Variants in SYT9 observed in about 807,000 individuals in gnomAD.
SYT9 encodes the protein synaptotagmin-9.
SYT9 carries 22 observed loss-of-function variants against 48.4 expected under a neutral mutation model. The ratio of observed to expected loss-of-function variants is 0.45; its 90% CI spans 0.32 to 0.65. The LOEUF (loss-of-function observed/expected upper bound fraction) is 0.65, where lower values mean the gene tolerates loss of function less well. Among genes scored for constraint, SYT9 ranks in the 30% least tolerant of loss-of-function variants. SYT9 has a pLI of 0.03. For synonymous variants in SYT9, 265 were observed against 245.0 expected, an observed-to-expected ratio of 1.08 and a Z score of -0.76; for missense variants, 577 against 622.0, an observed-to-expected ratio of 0.93 and a Z score of 0.77.
At chr11:7,286,053 G>C (rs1848589483) in intron 1 of SYT9, among the ~76,000 whole-genome samples, 1 of 152,204 alleles carries the variant, frequency 6.6e-6, no homozygotes, top group African/African-American at 2.4e-5. Flanking sequence ...CTATCCTTCT[G>C]GGGTCTGGAG....
At chr11:7,336,827 A>G (rs2133985000) in intron 3 of SYT9, among the ~76,000 whole-genome samples, 1 of 151,970 alleles carries the variant, frequency 6.6e-6, no homozygotes, top group Non-Finnish European at 1.5e-5. Flanking sequence ...TGCCCTGGCT[A>G]TTCGAGCTCT....
chr11:7,329,621 G>A (rs1849493392), intron 3 of SYT9, among the ~76,000 whole-genome samples: 2 of 152,130 alleles, frequency 1.3e-5, no homozygotes, highest in Admixed American at 6.5e-5. Context: ...CAATGTCTCC[G>A]CTTATTTCTT....
At chr11:7,336,683 C>G (rs954343216) in intron 3 of SYT9, among the ~76,000 whole-genome samples, 1 of 152,114 alleles carries the variant, frequency 6.6e-6, no homozygotes, top group African/African-American at 2.4e-5. Context: ...GCTCTCTATT[C>G]TATTCCACAG....
chr11:7,286,178 G>T (rs1038926090), intron 1 of SYT9, among the ~76,000 whole-genome samples: 2 of 152,052 alleles, frequency 1.3e-5, no homozygotes, highest in African/African-American at 2.4e-5. Flanking sequence ...TCTCCATGAG[G>T]GCTCCACCCC....
At chr11:7,385,732 T>C (rs138036139) in intron 3 of SYT9, among the ~76,000 whole-genome samples, 1 of 152,314 alleles carries the variant, frequency 6.6e-6, no homozygotes, top group East Asian at 1.9e-4. Flanking sequence ...GCTCCACTGG[T>C]TTATTTACCC....
chr11:7,273,850 T>C (rs2133890826), intron 1 of SYT9, among the ~76,000 whole-genome samples: 1 of 151,962 alleles, frequency 6.6e-6, no homozygotes, highest in South Asian at 2.1e-4. Flanking sequence ...AGTTGAACAA[T>C]GAGAACACAT....
At chr11:7,309,099 A>AGGTT (rs1849084178) in intron 2 of SYT9, among the ~76,000 whole-genome samples, 1 of 152,232 alleles carries the variant, frequency 6.6e-6, no homozygotes, top group African/African-American at 2.4e-5. Context: ...AGCTTTCCAC[A>AGGTT]GGTTCAACTG....
chr11:7,331,569 C>T (rs904763238), intron 3 of SYT9, among the ~76,000 whole-genome samples: 4 of 151,904 alleles, frequency 2.6e-5, no homozygotes, highest in African/African-American at 9.7e-5. Context: ...TGTAATAGTA[C>T]AAAAATTAGC....
intron 6 of SYT9, among the ~76,000 whole-genome samples, chr11:7,421,923 T>C (rs1025783077): frequency 5.9e-5 from 9 of 152,154 alleles, no homozygotes; most frequent in African/African-American, 1.9e-4. Flanking sequence ...TTAGAGGAGA[T>C]TGTGAAGCAT....
chr11:7,328,818 G>A (rs4757991), intron 3 of SYT9, among the ~76,000 whole-genome samples: 149,246 of 152,260 alleles, frequency 0.98, 73,211 homozygotes, highest in Middle Eastern at 1. Context: ...GTTTGGAAAT[G>A]TTACCATTTC....
At chr11:7,453,221 G>C (rs539508537) in intron 6 of SYT9, among the ~76,000 whole-genome samples, 2 of 152,232 alleles carry the variant, frequency 1.3e-5, no homozygotes, top group South Asian at 4.1e-4. Context: ...TGAGACCTCC[G>C]TCTTTACAAA....
At chr11:7,348,874 C>T (rs1309171128) in intron 3 of SYT9, among the ~76,000 whole-genome samples, 1 of 151,690 alleles carries the variant, frequency 6.6e-6, no homozygotes, top group Non-Finnish European at 1.5e-5. Context: ...CTAGCAGTTA[C>T]AGAAATAGCT....
intron 3 of SYT9, among the ~76,000 whole-genome samples, chr11:7,400,489 T>C (rs4264136): frequency 0.46 from 69,788 of 152,014 alleles, 18,284 homozygotes; most frequent in African/African-American, 0.72. Context: ...GGTGAAATAG[T>C]CAAACAGTTC....
intron 3 of SYT9, among the ~76,000 whole-genome samples, chr11:7,361,730 A>G (rs543009207): frequency 6.6e-6 from 1 of 152,290 alleles, no homozygotes; most frequent in African/African-American, 2.4e-5. Context: ...TTATATTATT[A>G]TGTTGGCTGG....
chr11:7,312,128 G>A (rs1258607176), intron 2 of SYT9, among the ~76,000 whole-genome samples: 1 of 152,160 alleles, frequency 6.6e-6, no homozygotes, highest in Non-Finnish European at 1.5e-5. Flanking sequence ...CTCTGTGACG[G>A]TACTCTTGTC....
In SYT9 at chr11:7,303,289, C is replaced by G. The variant is rs775094665; in HGVS notation, c.396C>G (p.Thr132=). The stretch of plus-strand genomic sequence containing the variant: ...ACTCCTCCATGAAGATCAGCCACAC[C>G]TCCCCTGACATTCCCCTCTCCACCC... ...CPDSSMKISH[T]SPDIPLSTQT... The change falls in exon 2 of 7, where the codon ACC becomes ACG. Residue 132 remains threonine, a synonymous_variant. Coordinates refer to ENST00000318881, the MANE Select transcript of SYT9 (RefSeq NM_175733.4). The G allele has an allele frequency of 1.9e-6, 3 of 1,614,002 alleles. No individual in the cohort carries two copies. The highest frequency in any genetic ancestry group is 2.5e-6 in the Non-Finnish European group (3 of 1,180,060).
At chr11:7,344,954 ACACACAC>A (rs1475601373) in intron 3 of SYT9, among the ~76,000 whole-genome samples, 115 of 151,870 alleles carry the variant, frequency 7.6e-4, no homozygotes, top group African/African-American at 2.7e-3. Flanking sequence ...ACACACACAC[ACACACAC>A]ACTTGAATTT....
chr11:7,313,122 T>C (rs755675225), intron 2 of SYT9, among the ~76,000 whole-genome samples: 22 of 152,354 alleles, frequency 1.4e-4, no homozygotes, highest in Middle Eastern at 3.4e-3. Flanking sequence ...TATTAGACAG[T>C]TTAGGAACTA....
intron 1 of SYT9, among the ~76,000 whole-genome samples, chr11:7,246,338 A>G (rs754388066): frequency 2.3e-4 from 35 of 152,200 alleles, no homozygotes; most frequent in African/African-American, 8.2e-4. Context: ...AGCAAGGATC[A>G]TTGTTTATTT....
Sources: gnomAD v4.1 joint callset for allele counts (sites outside exome capture counted in the v4.1 genomes callset) on GRCh38, gnomAD v4.1.1 for gene constraint, MANE v1.5 for transcripts, NCBI Gene and HGNC (gene_info 2026-07-23, HGNC 2026-07-21) for gene names.